The following PSMA8 variants were observed in gnomAD, a reference collection of about 807,000 sequenced individuals.
PSMA8 encodes proteasome subunit alpha-type 8.
In PSMA8, 18 loss-of-function variants were observed where a neutral mutation model predicts 32.4. The observed-to-expected ratio is 0.56, with a 90% CI of 0.38 to 0.82. PSMA8 has a LOEUF of 0.82. Ranked by LOEUF, PSMA8 falls within the 40% of genes least tolerant of loss-of-function variation. PSMA8 has a pLI of 0.00. For missense variants in PSMA8, 298 were observed against 300.7 expected (o/e 0.99, Z 0.07); for synonymous variants, 104 against 98.1 (o/e 1.06, Z -0.36).
chr18:26,187,732 T>C (rs890530137), intron 6 of PSMA8, among the ~76,000 whole-genome samples: 2 of 152,066 alleles, frequency 1.3e-5, no homozygotes, highest in African/African-American at 4.8e-5. Flanking sequence ...CAAGAAGATA[T>C]AACAGTCTTA....
chr18:26,171,376 T>C lies in PSMA8; in HGVS notation c.478-7454T>C. 8 of 1,298,736 alleles carry C rather than the reference T, an allele frequency of 6.2e-6. 2 individuals are homozygous for C. The South Asian group carries it at 9.5e-5, about 15-fold the overall frequency. The allele number at this position is 1,298,736 out of a possible 1,614,324, so 80.5% of individuals were successfully genotyped here. A position where few individuals can be genotyped will look rare whatever the true frequency, so the allele number is the denominator to read the frequency against. ...AAATTGTCGGTATTTTGTTATGACA[T>C]ACCAAGCAGACTAATATAACGTGTA... On this transcript the variant is annotated intron_variant, in intron 4 of 6. Transcript: ENST00000415576.
chr18:26,154,753 A>G (rs999820275), intron 3 of PSMA8, among the ~76,000 whole-genome samples: 1 of 152,092 alleles, frequency 6.6e-6, no homozygotes, highest in Non-Finnish European at 1.5e-5. Context: ...AGTAGCTGGG[A>G]TTACAGGCAC....
chr18:26,168,488 G>GTTTTT (rs774062151), intron 4 of PSMA8, among the ~76,000 whole-genome samples: 17 of 67,666 alleles, frequency 2.5e-4, no homozygotes, highest in African/African-American at 1.4e-3. Context: ...CTTTCCCCTT[G>GTTTTT]TTTTTTTTTT....
At chr18:26,181,839 G>A (rs372987801) in intron 6 of PSMA8, among the ~76,000 whole-genome samples, 2 of 151,774 alleles carry the variant, frequency 1.3e-5, no homozygotes, top group Non-Finnish European at 2.9e-5. Flanking sequence ...CAGGAGAATC[G>A]CTTGAACCTG....
chr18:26,148,834 G>T (rs1002819121), intron 2 of PSMA8, among the ~76,000 whole-genome samples: 1 of 151,900 alleles, frequency 6.6e-6, no homozygotes, highest in Admixed American at 6.6e-5. Context: ...TCAACACCCC[G>T]GAGTAATTTC....
At chr18:26,189,905 AACAGATGAATGT>A in intron 6 of PSMA8, among the ~76,000 whole-genome samples, 1 of 152,348 alleles carries the variant, frequency 6.6e-6, no homozygotes, top group Non-Finnish European at 1.5e-5. Flanking sequence ...AGGGTCCATC[AACAGATGAATGT>A]ACGAAGACAA....
intron 2 of PSMA8, among the ~76,000 whole-genome samples, chr18:26,145,268 A>G (rs1303743317): frequency 6.6e-6 from 1 of 152,016 alleles, no homozygotes; most frequent in East Asian, 1.9e-4. Flanking sequence ...ACAGGCATGC[A>G]TCACCACACC....
chr18:26,183,096 A>C (rs1178262946), intron 6 of PSMA8, among the ~76,000 whole-genome samples: 1 of 147,070 alleles, frequency 6.8e-6, no homozygotes, highest in East Asian at 2.1e-4. Context: ...TGTCTCAAAA[A>C]AAACAAACAA....
intron 4 of PSMA8, among the ~76,000 whole-genome samples, chr18:26,169,670 T>C (rs1271004775): frequency 1.6e-5 from 2 of 128,712 alleles, no homozygotes; most frequent in Non-Finnish European, 1.5e-5. Flanking sequence ...CGAAACCCCA[T>C]CTCTACCAAA....
chr18:26,151,743 T>G, intron 2 of PSMA8, 115 bp from the exon 3 acceptor site: 2 of 932,276 alleles, frequency 2.1e-6, no homozygotes, highest in Non-Finnish European at 1.5e-6. Flanking sequence ...GAGCATGTAT[T>G]GAGAAAAAAA....
intron 4 of PSMA8, among the ~76,000 whole-genome samples, chr18:26,161,142 T>C (rs746285473): frequency 5.3e-5 from 8 of 152,186 alleles, no homozygotes; most frequent in Non-Finnish European, 8.8e-5. Flanking sequence ...CGTGAAATTA[T>C]TATGTCCCCT....
At chr18:26,160,479 T>A (rs989297632) in intron 4 of PSMA8, among the ~76,000 whole-genome samples, 2 of 152,250 alleles carry the variant, frequency 1.3e-5, no homozygotes, top group Admixed American at 6.5e-5. Context: ...TAGAATAAAA[T>A]CTTCTGACTT....
In PSMA8 at chr18:26,149,539, A is replaced by G. The variant is rs182790359; in HGVS notation, c.230-2319A>G. ...CTTGTTTTTGAAAGCTACTACAAAG[A>G]TACAGTAAGCAAAATAGTTTCATGA... On this transcript the variant is annotated intron_variant, in intron 2 of 6. Transcript: ENST00000415576. 6.9e-3 allele frequency among the ~76,000 whole-genome samples: 1,055 copies of G among 152,360 alleles called. 14 individuals carry two copies. The highest frequency in any genetic ancestry group is 0.025 in the African/African-American group (1,020 of 41,588).
At chr18:26,163,213 G>GTATGTATATATATATATATATA (rs1555662071) in intron 4 of PSMA8, among the ~76,000 whole-genome samples, 1 of 80,912 alleles carries the variant, frequency 1.2e-5, no homozygotes, top group African/African-American at 5.2e-5. Flanking sequence ...ATGTGTGTGT[G>GTATGTATATATATATATATATA]TATATATATA....
chr18:26,141,319 T>C (rs1023716075), intron 1 of PSMA8, among the ~76,000 whole-genome samples: 14 of 152,324 alleles, frequency 9.2e-5, no homozygotes, highest in Non-Finnish European at 1.2e-4. Context: ...CAAAATACTT[T>C]GATATTAACA....
chr18:26,186,264 A>C (rs956930457), intron 6 of PSMA8, among the ~76,000 whole-genome samples: 14 of 150,026 alleles, frequency 9.3e-5, no homozygotes, highest in African/African-American at 2.7e-4. Flanking sequence ...AAAAAAAAAA[A>C]AAAAAAAAAA....
intron 3 of PSMA8, among the ~76,000 whole-genome samples, chr18:26,155,476 G>A (rs1373778901): frequency 6.6e-6 from 1 of 152,150 alleles, no homozygotes; most frequent in Non-Finnish European, 1.5e-5. Flanking sequence ...CGATGGAACA[G>A]AATAGAGAAC....
chr18:26,171,620 G>A (rs530851616), intron 4 of PSMA8, among the ~76,000 whole-genome samples: 20 of 152,216 alleles, frequency 1.3e-4, no homozygotes, highest in African/African-American at 4.3e-4. Flanking sequence ...TATAATCCCA[G>A]CTACTTGGGA....
chr18:26,137,081 T>A (rs1440972432), intron 1 of PSMA8, among the ~76,000 whole-genome samples: 1 of 152,240 alleles, frequency 6.6e-6, no homozygotes, highest in Non-Finnish European at 1.5e-5. Flanking sequence ...TCCATTATCA[T>A]GAATGTAGAA....
Sources: allele counts gnomAD v4.1 joint callset (sites outside exome capture counted in the v4.1 genomes callset), GRCh38; gene constraint gnomAD v4.1.1; transcripts MANE v1.5; gene names NCBI Gene and HGNC (gene_info 2026-07-23, HGNC 2026-07-21).